Variants in SREBF1 observed in about 807,000 individuals in gnomAD.
SREBF1 encodes the protein sterol regulatory element-binding protein 1.
SREBF1 carries 45 observed loss-of-function variants against 100.1 expected under a neutral mutation model. The observed-to-expected ratio is 0.45, with a 90% CI of 0.35 to 0.58. The LOEUF (loss-of-function observed/expected upper bound fraction) is 0.58, where lower values mean the gene tolerates loss of function less well. Ranked by LOEUF, SREBF1 falls within the 20% of genes least tolerant of loss-of-function variation. SREBF1 has a pLI of 0.00. For missense variants in SREBF1, 1,324 were observed against 1,539.4 expected (o/e 0.86, Z 2.34); for synonymous variants, 657 against 681.8 (o/e 0.96, Z 0.57).
At position 17,812,463 on chromosome 17, in the gene SREBF1, C is replaced by T. The variant is rs141503556; in HGVS notation, c.*159G>A. ...GTCTTAGGGTCAAGATCGCGCCCCT[C>T]GGGCCTTCCACCGCGAAGGCACACA... On this transcript the variant is annotated 3_prime_UTR_variant, in exon 19 of 19. Transcript: ENST00000261646. The T allele has an allele frequency of 5.3e-6, 4 of 757,916 alleles. No homozygotes were observed. The East Asian group carries it at 8.3e-5, about 16-fold the overall frequency. The allele number at this position is 757,916 out of a possible 1,614,324, so 46.9% of individuals were successfully genotyped here.
chr17:17,816,144 CT>C, intron 11 of SREBF1, 62 bp downstream of exon 11: 1 of 1,434,104 alleles, frequency 7.0e-7, no homozygotes. Flanking sequence ...CCGTGTAGCT[CT>C]TACCCAGGGA....
At chr17:17,815,160 G>C in intron 13 of SREBF1, 61 bp downstream of exon 13, 1 of 1,504,020 alleles carries the variant, frequency 6.6e-7, no homozygotes, top group South Asian at 1.1e-5. Flanking sequence ...GTTGAGGCCA[G>C]AGCTATTCTC....
intron 5 of SREBF1, chr17:17,818,757 G>A (rs577793798): frequency 1.0e-5 from 6 of 589,416 alleles, no homozygotes; most frequent in African/African-American, 7.4e-5. Context: ...CCAGAAGGTC[G>A]GCTCTTCTTT....
At chr17:17,823,571 A>G in intron 1 of SREBF1, 1 of 1,613,294 alleles carries the variant, frequency 6.2e-7, no homozygotes, top group South Asian at 1.1e-5. Context: ...TGGGGCGTCC[A>G]GGCCGTTGGC....
intron 9 of SREBF1, 33 bp from the exon 10 acceptor site, chr17:17,816,751 G>A (rs1042207501): frequency 3.8e-6 from 6 of 1,568,182 alleles, no homozygotes; most frequent in Non-Finnish European, 5.2e-6. Flanking sequence ...TGAGAAAAGT[G>A]AGGTCAGAGC....
chr17:17,820,879 A>G, intron 1 of SREBF1: 3 of 364,142 alleles, frequency 8.2e-6, no homozygotes, highest in Non-Finnish European at 1.6e-5. Flanking sequence ...ACCATCCGGT[A>G]TTTGCCCAAA....
Position 17,812,635 on chromosome 17 carries a change from A to T in SREBF1, c.3431T>A (p.Val1144Asp), listed in dbSNP as rs1454303906. 1 of 1,605,286 alleles carries T rather than the reference A, an allele frequency of 6.2e-7. No homozygotes were observed. Among genetic ancestry groups the T allele is most frequent in the Non-Finnish European group, 8.5e-7 (1 of 1,175,980 alleles). The change falls in exon 19 of 19, where the codon GTC becomes GAC. Residue 1144 changes from valine (V) to aspartate (D), a missense_variant. Physicochemically the swap from Val to Asp is radical, Grantham distance 152 (BLOSUM62 -3). Coordinates refer to ENST00000261646, the MANE Select transcript of SREBF1 (RefSeq NM_004176.5). ...MLMRLGGGTT[V>D]TSS ...GGGACACGGGGTCTAGCTGGAAGTG[A>T]CAGTGGTCCCACCGCCCAGGCGCAT...
intron 1 of SREBF1, among the ~76,000 whole-genome samples, chr17:17,821,152 TACACACACAC>T (rs60948138): frequency 1.3e-5 from 2 of 149,382 alleles, no homozygotes; most frequent in East Asian, 3.9e-4. Context: ...TCCACACACA[TACACACACAC>T]ACACACACAC....
Position 17,814,829 on chromosome 17 carries a change from A to T in SREBF1, c.2602+6T>A. On this transcript the variant is annotated splice_donor_region_variant and intron_variant, in intron 14 of 18. Coordinates refer to ENST00000261646, the MANE Select transcript of SREBF1 (RefSeq NM_004176.5). The stretch of plus-strand genomic sequence containing the variant: ...AAGGGAGCCAGGACAGGGGCCGGGG[A>T]CTCACCGGTGGTGGTGGCCATGCTG... 1.9e-6 allele frequency: 3 copies of T among 1,599,572 alleles called. No homozygotes were observed. The highest frequency in any genetic ancestry group is 2.6e-6 in the Non-Finnish European group (3 of 1,173,598).
At chr17:17,827,092 G>C (rs937070203) in intron 1 of SREBF1, among the ~76,000 whole-genome samples, 4 of 151,284 alleles carry the variant, frequency 2.6e-5, no homozygotes, top group Non-Finnish European at 5.9e-5. Flanking sequence ...GGAGTGGGCC[G>C]GAAGGGAGGG....
intron 9 of SREBF1, 31 bp downstream of exon 9, chr17:17,816,927 C>T: frequency 6.2e-7 from 1 of 1,612,432 alleles, no homozygotes; most frequent in Non-Finnish European, 8.5e-7. Flanking sequence ...GGGTCCCTGC[C>T]CTGCCCACTC....
Position 17,817,513 on chromosome 17 carries a change from G to C in SREBF1, c.1405-56C>G. The C allele has an allele frequency of 6.4e-7, 1 of 1,550,972 alleles. No homozygotes were observed. The highest frequency in any genetic ancestry group is 8.7e-7 in the Non-Finnish European group (1 of 1,145,066). ...GAATCGGAGGGACCCCAGAGAGCAT[G>C]GGGCTGGGAAGGGGGGGGTCAGGAT... On this transcript the variant is annotated intron_variant, in intron 7 of 18. Transcript: ENST00000261646. The surrounding 1 kb of genome is among the most constrained non-coding windows in gnomAD (Gnocchi z 6.6).
chr17:17,816,797 G>A, intron 9 of SREBF1, 79 bp from the exon 10 acceptor site: 3 of 1,571,646 alleles, frequency 1.9e-6, no homozygotes, highest in Non-Finnish European at 2.6e-6. Context: ...GTCCACAGCA[G>A]GCTCTGGAGG....
Position 17,811,545 on chromosome 17 carries a change from G to GCCCAA in SREBF1, c.*1076_*1077insTTGGG. On this transcript the variant is annotated 3_prime_UTR_variant, in exon 19 of 19. Transcript: ENST00000261646. ...GAATGAAGGGAGGGGCTGGGGGGGG[G>GCCCAA]GGCATGAATGGAGTCAGGGAGTCGG... 3.2e-6 allele frequency: 1 copy of GCCCAA among 313,444 alleles called. No individual in the cohort carries two copies. Among genetic ancestry groups the GCCCAA allele is most frequent in the Admixed American group, 5.3e-5 (1 of 18,984 alleles). The allele number at this position is 313,444 out of a possible 1,614,324, so 19.4% of individuals were successfully genotyped here.
intron 1 of SREBF1, among the ~76,000 whole-genome samples, chr17:17,830,794 G>A (rs1029977008): frequency 1.3e-5 from 2 of 152,222 alleles, no homozygotes; most frequent in African/African-American, 4.8e-5. Context: ...AGCCAGTTAA[G>A]GCTTTCCCCA....
chr17:17,815,544 C>A (rs1199186689), intron 12 of SREBF1: 27 of 597,936 alleles, frequency 4.5e-5, no homozygotes, highest in Non-Finnish European at 7.7e-5. Context: ...TGAGGCCTGC[C>A]CTACACTGCT....
intron 18 of SREBF1, 94 bp downstream of exon 18, chr17:17,813,274 T>G: frequency 7.7e-7 from 1 of 1,294,410 alleles, no homozygotes. Context: ...CTGTCCCGTC[T>G]GACACACACA....
chr17:17,829,651 T>A (rs2143109845), intron 1 of SREBF1, among the ~76,000 whole-genome samples: 1 of 152,152 alleles, frequency 6.6e-6, no homozygotes, highest in East Asian at 1.9e-4. Flanking sequence ...GTTCTTTTTG[T>A]TTGTTTGTTT....
chr17:17,836,854 G>A lies in SREBF1; in HGVS notation c.-37C>T. Reference sequence around the variant, plus strand: ...CTCCTCCGGGAGGCCCGCCGGGCCCGCCGCCTCGTACGGCCCTTCCTAGGG... The same window carrying A: ...CTCCTCCGGGAGGCCCGCCGGGCCCACCGCCTCGTACGGCCCTTCCTAGGG... On this transcript the variant is annotated 5_prime_UTR_variant, in exon 1 of 19. Transcript: ENST00000261646. 5 of 1,455,378 alleles carry A rather than the reference G, an allele frequency of 3.4e-6. No individual in the cohort carries two copies. The highest frequency in any genetic ancestry group is 4.6e-6 in the Non-Finnish European group (5 of 1,083,644). 90.2% of individuals were successfully genotyped at this position (1,455,378 alleles called of 1,614,324 possible).
Sources: allele counts gnomAD v4.1 joint callset (sites outside exome capture counted in the v4.1 genomes callset), GRCh38; gene constraint gnomAD v4.1.1; non-coding constraint Gnocchi (gnomAD v3.1); transcripts MANE v1.5; gene names NCBI Gene and HGNC (gene_info 2026-07-23, HGNC 2026-07-21).